MMP10: variants seen among roughly 807,000 people sequenced by gnomAD.
MMP10 encodes stromelysin-2.
MMP10 carries 50 observed loss-of-function variants against 49.1 expected under a neutral mutation model. The observed-to-expected ratio is 1.02, with a 90% CI of 0.81 to 1.29. MMP10 has a LOEUF of 1.29. MMP10 is among the 50% of genes most tolerant of loss of function. The pLI, the probability that MMP10 is intolerant of heterozygous loss-of-function variation, is 0.00. For synonymous variants in MMP10, 229 were observed against 201.6 expected, an observed-to-expected ratio of 1.14 and a Z score of -1.15; for missense variants, 613 against 563.8, an observed-to-expected ratio of 1.09 and a Z score of -0.88.
intron 9 of MMP10, among the ~76,000 whole-genome samples, chr11:102,771,348 G>A (rs180892379): frequency 6.6e-6 from 1 of 152,298 alleles, no homozygotes; most frequent in Admixed American, 6.5e-5. Context: ...TGATAAATGA[G>A]CCAGAGGTCC....
At chr11:102,775,425 T>A (rs1240502327) in intron 6 of MMP10, 104 bp from the exon 7 acceptor site, 1 of 892,644 alleles carries the variant, frequency 1.1e-6, no homozygotes, top group East Asian at 2.8e-5. Context: ...CATAGAAGTC[T>A]GTATTAAACC....
intron 9 of MMP10, 106 bp from the exon 10 acceptor site, chr11:102,770,999 G>A: frequency 1.4e-6 from 1 of 725,168 alleles, no homozygotes; most frequent in Non-Finnish European, 2.3e-6. Context: ...CATTTATTAA[G>A]TGATTACTCT....
At chr11:102,778,896 A>G in intron 3 of MMP10, 147 bp from the exon 4 acceptor site, 3 of 1,025,050 alleles carry the variant, frequency 2.9e-6, no homozygotes, top group Non-Finnish European at 4.3e-6. Flanking sequence ...GAAATATAGT[A>G]TTAAGAGGTT....
At chr11:102,776,490 G>T in intron 5 of MMP10, 66 bp from the exon 6 acceptor site, 2 of 1,590,178 alleles carry the variant, frequency 1.3e-6, no homozygotes, top group South Asian at 1.1e-5. Context: ...CAATTTGTGT[G>T]CCTTTCAAAC....
chr11:102,778,616 C>T lies in MMP10; in HGVS notation c.622+8G>A, dbSNP rs560257490. The T allele has an allele frequency of 1.7e-5, 28 of 1,613,626 alleles. No individual in the cohort carries two copies. The highest frequency in any genetic ancestry group is 1.9e-5 in the Non-Finnish European group (23 of 1,179,818). On this transcript the variant is annotated splice_region_variant and intron_variant, in intron 4 of 9. Coordinates refer to ENST00000279441, the MANE Select transcript of MMP10 (RefSeq NM_002425.3). The stretch of plus-strand genomic sequence containing the variant: ...TCCTGAAATGTTCCCGAGAGGTTTA[C>T]GACCCACCTGATGCATCTTCTGTCC...
In MMP10 at chr11:102,773,925, G is replaced by A. The variant is rs77764920; in HGVS notation, c.1067-919C>T. On this transcript the variant is annotated intron_variant, in intron 7 of 9. Transcript: ENST00000279441. Reference sequence around the variant, plus strand: ...CCTGACCTCCACCAATGAGAATGGCGTCTGACACAGTGCAAGTGATATGTA... The same window carrying A: ...CCTGACCTCCACCAATGAGAATGGCATCTGACACAGTGCAAGTGATATGTA... Among the ~76,000 whole-genome samples the A allele has an allele frequency of 9.9e-4, 151 of 152,296 alleles. 1 individual carries two copies. Among genetic ancestry groups the A allele is most frequent in the African/African-American group, 3.4e-3 (140 of 41,568 alleles).
At chr11:102,771,334 C>T (rs546776781) in intron 9 of MMP10, among the ~76,000 whole-genome samples, 1 of 152,174 alleles carries the variant, frequency 6.6e-6, no homozygotes, top group Admixed American at 6.5e-5. Flanking sequence ...GAGAATCAGA[C>T]AAATGATAAA....
intron 4 of MMP10, 22 bp from the exon 5 acceptor site, chr11:102,776,798 T>G: frequency 6.2e-7 from 1 of 1,613,644 alleles, no homozygotes; most frequent in Non-Finnish European, 8.5e-7. Flanking sequence ...TCATAAATGT[T>G]CAGAATTCAC....
At chr11:102,778,493 T>C in intron 4 of MMP10, 131 bp downstream of exon 4, 1 of 1,163,848 alleles carries the variant, frequency 8.6e-7, no homozygotes, top group Non-Finnish European at 1.2e-6. Flanking sequence ...AGTACTTCTG[T>C]TTAAAACTCA....
intron 7 of MMP10, 123 bp downstream of exon 7, chr11:102,775,065 T>C: frequency 1.5e-6 from 1 of 672,336 alleles, no homozygotes; most frequent in East Asian, 3.3e-5. Context: ...ACAAATTTTA[T>C]TTAAGTGTTA....
intron 4 of MMP10, among the ~76,000 whole-genome samples, 197 bp from the exon 5 acceptor site, chr11:102,776,973 A>G (rs887869473): frequency 1.3e-5 from 2 of 152,216 alleles, no homozygotes; most frequent in African/African-American, 4.8e-5. Flanking sequence ...AAGTCAATAT[A>G]TAAGACAGTT....
Position 102,770,877 on chromosome 11 carries a change from G to A in MMP10, c.1347C>T (p.Phe449=). ...CAAACTCAAACTGTGATGATCCACT[G>A]AAGAAGTAGAAAAATCCTGTAAATA... The part of the protein sequence containing the change: ...VLQAFGFFYF[F]SGSSQFEFDP... The change falls in exon 10 of 10, where the codon TTC becomes TTT. Residue 449 remains phenylalanine (F), a synonymous_variant. Coordinates refer to ENST00000279441, the MANE Select transcript of MMP10 (RefSeq NM_002425.3). The A allele has an allele frequency of 3.1e-6, 5 of 1,610,606 alleles. No homozygotes were observed. The highest frequency in any genetic ancestry group is 1.1e-5 in the South Asian group (1 of 90,620).
Position 102,779,274 on chromosome 11 carries a change from T to C in MMP10, c.435A>G (p.Pro145=), listed in dbSNP as rs1857790219. Residue 145 remains proline, a synonymous_variant, in exon 3 of 10, where the codon CCA becomes CCG. Coordinates refer to ENST00000279441, the MANE Select transcript of MMP10 (RefSeq NM_002425.3). The part of the protein sequence containing the change: ...KALKVWEEVT[P]LTFSRLYEGE... ...CTTCATACAGCCTGGAGAATGTGAG[T>C]GGAGTCACCTCTTCCCAGACTTTCA... is the stretch of plus-strand genomic sequence containing the variant. 1 of 1,613,936 alleles carries C rather than the reference T, an allele frequency of 6.2e-7. No individual in the cohort carries two copies. The highest frequency in any genetic ancestry group is 1.1e-5 in the South Asian group (1 of 91,076).
At position 102,775,281 on chromosome 11, in the gene MMP10, A is replaced by T. The variant is rs756867462; in HGVS notation, c.973T>A (p.Phe325Ile). ...RRSHWNPEPE[F>I]HLISAFWPSL... ...GGCCAAAATGCAGAAATCAAATGAA[A>T]TTCAGGTTCAGGGTTCCAGTGGGAT... Residue 325 changes from phenylalanine to isoleucine, a missense_variant, in exon 7 of 10, where the codon TTT (phenylalanine) becomes ATT (isoleucine). Physicochemically the swap from Phe to Ile is conservative, Grantham distance 21. Transcript: ENST00000279441. 1 of 1,610,344 alleles carries T rather than the reference A, an allele frequency of 6.2e-7. No homozygotes were observed. The highest frequency in any genetic ancestry group is 1.3e-5 in the African/African-American group (1 of 74,838).
chr11:102,780,458 T>G, intron 1 of MMP10, 29 bp downstream of exon 1: 9 of 1,589,710 alleles, frequency 5.7e-6, no homozygotes, highest in Non-Finnish European at 7.8e-6. Flanking sequence ...AGCTGGCCAG[T>G]AGCTGCAATA....
In MMP10 at chr11:102,772,396, A is replaced by G. The variant is rs897855137; in HGVS notation, c.1227-281T>C. Among the ~76,000 whole-genome samples the G allele has an allele frequency of 6.6e-6, 1 of 152,238 alleles. No individual in the cohort carries two copies. On this transcript the variant is annotated intron_variant, in intron 8 of 9. Transcript: ENST00000279441. The surrounding 1 kb of genome is among the most constrained non-coding windows in gnomAD (Gnocchi z 4.4). ...AATTTTCTAAGCCTGGACACACAGAAACCAAATTTCCCTGTGTCTACTATA... is the reference window on the plus strand; with the variant it reads ...AATTTTCTAAGCCTGGACACACAGAGACCAAATTTCCCTGTGTCTACTATA...
chr11:102,770,726 T>A lies in MMP10; in HGVS notation c.*67A>T. On this transcript the variant is annotated 3_prime_UTR_variant, in exon 10 of 10. Coordinates refer to ENST00000279441, the MANE Select transcript of MMP10 (RefSeq NM_002425.3). ...AGGAAAAATTAACCATTTTGGCTCATAATACATTAGATGAATAATTATTAG... is the reference window on the plus strand; with the variant it reads ...AGGAAAAATTAACCATTTTGGCTCAAAATACATTAGATGAATAATTATTAG... 1 of 1,092,084 alleles carries A rather than the reference T, an allele frequency of 9.2e-7. No individual in the cohort carries two copies. Among genetic ancestry groups the A allele is most frequent in the Non-Finnish European group, 1.3e-6 (1 of 746,640 alleles). 67.6% of individuals were successfully genotyped at this position (1,092,084 alleles called of 1,614,324 possible).
At position 102,772,926 on chromosome 11, in the gene MMP10, T is replaced by C. The variant is rs372673583; in HGVS notation, c.1147A>G (p.Thr383Ala). Residue 383 changes from threonine (T) to alanine (A), a missense_variant, in exon 8 of 10, where the codon ACC becomes GCC. Physicochemically the swap from Thr to Ala is moderately conservative, Grantham distance 58 (BLOSUM62 0). Coordinates refer to ENST00000279441, the MANE Select transcript of MMP10 (RefSeq NM_002425.3). The surrounding 1 kb of genome is among the most constrained non-coding windows in gnomAD (Gnocchi z 4.4). Reference protein sequence around the residue: ...RGIHTLGFPPTIRKIDAAVSD... With the variant: ...RGIHTLGFPPAIRKIDAAVSD... ...ACAGCTGCATCAATTTTCCTTATGGTTGGAGGAAAACCCAGGGTATGGATG... is the reference window on the plus strand; with the variant it reads ...ACAGCTGCATCAATTTTCCTTATGGCTGGAGGAAAACCCAGGGTATGGATG... The C allele has an allele frequency of 2.8e-5, 45 of 1,613,750 alleles. No individual in the cohort carries two copies. Among genetic ancestry groups the C allele is most frequent in the Non-Finnish European group, 3.4e-5 (40 of 1,179,812 alleles).
At chr11:102,773,517 C>G (rs1445314352) in intron 7 of MMP10, among the ~76,000 whole-genome samples, 1 of 152,202 alleles carries the variant, frequency 6.6e-6, no homozygotes, top group East Asian at 1.9e-4. Context: ...TCCCAGACCC[C>G]AAGCCTGAAT....
Sources: allele counts gnomAD v4.1 joint callset (sites outside exome capture counted in the v4.1 genomes callset), GRCh38; gene constraint gnomAD v4.1.1; non-coding constraint Gnocchi (gnomAD v3.1); transcripts MANE v1.5; gene names NCBI Gene and HGNC (gene_info 2026-07-23, HGNC 2026-07-21).